The following CSMD1 variants were observed in gnomAD, a reference collection of about 807,000 sequenced individuals.
The protein encoded by CSMD1 is CUB and Sushi multiple domains 1.
In CSMD1, 213 loss-of-function variants were observed where a neutral mutation model predicts 417.5. The ratio of observed to expected loss-of-function variants is 0.51; its 90% confidence interval spans 0.46 to 0.57. CSMD1 has a LOEUF of 0.57. Among genes scored for constraint, CSMD1 ranks in the 20% least tolerant of loss-of-function variants. The probability of loss-of-function intolerance (pLI) is 0.00; values close to 1 mark genes in which losing one functional copy is unlikely to be tolerated. For missense variants in CSMD1, 6,923 were observed against 4,529.7 expected, an observed-to-expected ratio of 1.53 and a Z score of -15.17; for synonymous variants, 2,862 against 1,736.8, an observed-to-expected ratio of 1.65 and a Z score of -16.11.
intron 3 of CSMD1, among the ~76,000 whole-genome samples, chr8:4,334,971 G>C (rs1800086257): frequency 6.6e-6 from 1 of 152,066 alleles, no homozygotes; most frequent in Non-Finnish European, 1.5e-5. Flanking sequence ...TAAAACCAGT[G>C]TCCTCCAGGC....
chr8:4,704,821 T>G (rs1269752508), intron 1 of CSMD1, among the ~76,000 whole-genome samples: 1 of 152,148 alleles, frequency 6.6e-6, no homozygotes, highest in African/African-American at 2.4e-5. Context: ...TGGAAGTGCT[T>G]CCTACTGCAT....
At chr8:4,532,826 A>C (rs1796900338) in intron 2 of CSMD1, among the ~76,000 whole-genome samples, 1 of 144,614 alleles carries the variant, frequency 6.9e-6, no homozygotes, top group Non-Finnish European at 1.5e-5. Flanking sequence ...CTGCACCCGC[A>C]TTCAGTCACT....
At position 4,966,633 on chromosome 8, in the gene CSMD1, A is replaced by G. The variant is rs187293669; in HGVS notation, c.85+27699T>C. Among the ~76,000 whole-genome samples the G allele has an allele frequency of 5.6e-4, 85 of 152,296 alleles. 3 individuals are homozygous for G. The highest frequency in any genetic ancestry group is 5.1e-3 in the Admixed American group (78 of 15,274). ...TGTCTTAGGTAGGTTCACCCTGTAC[A>G]AACACAGAAGGATGGTGATGAAATA... On this transcript the variant is annotated intron_variant, in intron 1 of 69. Transcript: ENST00000635120.
intron 3 of CSMD1, among the ~76,000 whole-genome samples, chr8:4,314,742 C>A (rs939414187): frequency 6.6e-6 from 1 of 152,150 alleles, no homozygotes; most frequent in Non-Finnish European, 1.5e-5. Flanking sequence ...TTCTCATTTA[C>A]ACATCTGACC....
intron 26 of CSMD1, among the ~76,000 whole-genome samples, chr8:3,236,270 A>G (rs1820275): frequency 0.24 from 36,484 of 151,988 alleles, 4,466 homozygotes; most frequent in Middle Eastern, 0.28. Flanking sequence ...GCTAATGTAT[A>G]TATCTGCTTG....
rs555939972 is a variant in CSMD1, at chr8:4,233,600, C to T, written c.415+186353G>A. The stretch of plus-strand genomic sequence containing the variant: ...CCCTGTCTATGAACCAGGAAATGAT[C>T]CCCAACCAGGACACCTTGATCTTGG... On this transcript the variant is annotated intron_variant, in intron 3 of 69. Coordinates refer to ENST00000635120, the MANE Select transcript of CSMD1 (RefSeq NM_033225.6). Among the ~76,000 whole-genome samples, 27 of 152,218 alleles carry T rather than the reference C, an allele frequency of 1.8e-4. No homozygotes were observed. In the South Asian group the frequency reaches 5.4e-3, roughly 30 times the overall value.
At chr8:4,515,120 G>A (rs1803044935) in intron 2 of CSMD1, among the ~76,000 whole-genome samples, 1 of 152,184 alleles carries the variant, frequency 6.6e-6, no homozygotes. Context: ...CCCTTGGAAA[G>A]GAATTTACTG....
chr8:3,699,722 T>G (rs764788844), intron 7 of CSMD1, among the ~76,000 whole-genome samples: 1 of 152,224 alleles, frequency 6.6e-6, no homozygotes, highest in Non-Finnish European at 1.5e-5. Flanking sequence ...GAACAGATGC[T>G]GATCATCTTT....
At chr8:4,113,927 C>G (rs533943382) in intron 3 of CSMD1, among the ~76,000 whole-genome samples, 3 of 152,280 alleles carry the variant, frequency 2.0e-5, no homozygotes, top group South Asian at 2.1e-4. Flanking sequence ...GAGACTGGTT[C>G]ATAAGATTTA....
chr8:2,979,615 C>T (rs1305927669), intron 54 of CSMD1, among the ~76,000 whole-genome samples: 4 of 152,314 alleles, frequency 2.6e-5, no homozygotes, highest in Non-Finnish European at 2.9e-5. Flanking sequence ...AAATGAATCT[C>T]GGGCGGCCTC....
At chr8:4,358,097 T>A (rs998804668) in intron 3 of CSMD1, among the ~76,000 whole-genome samples, 2 of 152,208 alleles carry the variant, frequency 1.3e-5, no homozygotes, top group African/African-American at 4.8e-5. Context: ...TACATACATA[T>A]GCTATGATCA....
intron 1 of CSMD1, among the ~76,000 whole-genome samples, chr8:4,884,725 C>G (rs913494158): frequency 6.6e-6 from 1 of 151,988 alleles, no homozygotes; most frequent in Non-Finnish European, 1.5e-5. Context: ...TTCCTTGGAT[C>G]AATAGGTCTA....
At position 3,157,848 on chromosome 8, in the gene CSMD1, T is replaced by C. The variant is rs549999036; in HGVS notation, c.5914+49A>G. 7.2e-5 allele frequency: 104 copies of C among 1,446,130 alleles called. 5 individuals carry two copies. In the East Asian group the frequency reaches 1.5e-3, roughly 20 times the overall value. 89.6% of individuals were successfully genotyped at this position (1,446,130 alleles called of 1,614,324 possible). A position where few individuals can be genotyped will look rare whatever the true frequency, so the allele number is the denominator to read the frequency against. ...GACCCCAAGAGTAGAGCAGGCATGT[T>C]CTTCCCAGTGTGTGCGCAGCAGCAG... is the stretch of plus-strand genomic sequence containing the variant. On this transcript the variant is annotated intron_variant, in intron 39 of 69. Coordinates refer to ENST00000635120, the MANE Select transcript of CSMD1 (RefSeq NM_033225.6).
At chr8:4,129,217 A>C (rs1318347245) in intron 3 of CSMD1, among the ~76,000 whole-genome samples, 2 of 152,172 alleles carry the variant, frequency 1.3e-5, no homozygotes, top group African/African-American at 4.8e-5. Flanking sequence ...CAAATTCAGC[A>C]GATTCCTATC....
At chr8:4,400,919 T>C (rs553643553) in intron 3 of CSMD1, among the ~76,000 whole-genome samples, 16 of 151,598 alleles carry the variant, frequency 1.1e-4, no homozygotes, top group African/African-American at 3.4e-4. Flanking sequence ...AATGACTCAG[T>C]ACAATACCAA....
intron 10 of CSMD1, among the ~76,000 whole-genome samples, chr8:3,507,286 C>T (rs570109080): frequency 6.6e-6 from 1 of 152,182 alleles, no homozygotes; most frequent in Non-Finnish European, 1.5e-5. Context: ...CATCTCATTA[C>T]TAAGAATATT....
intron 3 of CSMD1, among the ~76,000 whole-genome samples, chr8:4,130,432 T>A: frequency 6.6e-6 from 1 of 152,268 alleles, no homozygotes; most frequent in East Asian, 1.9e-4. Context: ...TCATCCTCAG[T>A]TTAGTGCAAA....
intron 3 of CSMD1, among the ~76,000 whole-genome samples, chr8:4,179,977 G>C (rs948378616): frequency 6.6e-6 from 1 of 152,050 alleles, no homozygotes; most frequent in African/African-American, 2.4e-5. Flanking sequence ...TACACTGTTA[G>C]TGGGACTGTA....
At chr8:3,113,318 G>A (rs1816647735) in intron 42 of CSMD1, 1 of 152,238 alleles carries the variant, frequency 6.6e-6, no homozygotes, top group African/African-American at 2.4e-5. Context: ...CCACTCTCAG[G>A]AGCCATGGAG....
Sources: gnomAD v4.1 joint callset for allele counts (sites outside exome capture counted in the v4.1 genomes callset) on GRCh38, gnomAD v4.1.1 for gene constraint, MANE v1.5 for transcripts, NCBI Gene and HGNC (gene_info 2026-07-23, HGNC 2026-07-21) for gene names.